Variants in UTP6 observed in about 807,000 individuals in gnomAD.
UTP6 encodes UTP6 small subunit processome component.
Under a neutral mutation model 96.5 loss-of-function variants are expected in UTP6, and 60 were observed. That is an observed-to-expected ratio of 0.62 (90% CI 0.51 to 0.77). The LOEUF is 0.77. UTP6 is among the 30% of genes least tolerant of loss of function. UTP6 has a pLI of 0.00. For synonymous variants in UTP6, 215 were observed against 240.1 expected, an observed-to-expected ratio of 0.90 and a Z score of 0.96; for missense variants, 637 against 706.5, an observed-to-expected ratio of 0.90 and a Z score of 1.12.
chr17:31,885,544 C>A (rs558698677), intron 9 of UTP6, among the ~76,000 whole-genome samples: 1 of 151,760 alleles, frequency 6.6e-6, no homozygotes, highest in East Asian at 2.0e-4. Flanking sequence ...AATCCCAACA[C>A]TTTGGGAGGC....
Position 31,901,683 on chromosome 17 carries a change from A to C in UTP6, c.-56T>G. On this transcript the variant is annotated 5_prime_UTR_variant, in exon 1 of 19. Transcript: ENST00000261708. Reference sequence around the variant, plus strand: ...CTTCTCAACAGCGAACACGAGCAGGAAGCTCCCGGTTTCAGGTTCGGAGAC... The same window carrying C: ...CTTCTCAACAGCGAACACGAGCAGGCAGCTCCCGGTTTCAGGTTCGGAGAC... 1.9e-6 allele frequency: 3 copies of C among 1,569,482 alleles called. No individual in the cohort carries two copies. The highest frequency in any genetic ancestry group is 2.6e-6 in the Non-Finnish European group (3 of 1,145,800).
chr17:31,895,695 G>A (rs550729168), intron 2 of UTP6, among the ~76,000 whole-genome samples: 52 of 151,926 alleles, frequency 3.4e-4, no homozygotes, highest in East Asian at 1.4e-3. Flanking sequence ...CACCATGCCC[G>A]GCTAATTTTT....
intron 14 of UTP6, among the ~76,000 whole-genome samples, chr17:31,874,627 A>C (rs1469633003): frequency 6.6e-6 from 1 of 152,016 alleles, no homozygotes; most frequent in Non-Finnish European, 1.5e-5. Context: ...ACTAATATAA[A>C]AAATTCACTG....
chr17:31,884,742 C>T (rs112430699), intron 9 of UTP6, among the ~76,000 whole-genome samples: 4 of 151,940 alleles, frequency 2.6e-5, no homozygotes, highest in Admixed American at 6.6e-5. Flanking sequence ...CAACTCCCCA[C>T]GATTTAATTA....
At chr17:31,894,395 C>T (rs757059054) in intron 4 of UTP6, among the ~76,000 whole-genome samples, 1 of 151,788 alleles carries the variant, frequency 6.6e-6, no homozygotes, top group Non-Finnish European at 1.5e-5. Flanking sequence ...CCCAAATTTC[C>T]AATCCTTAGT....
rs897658456 is a variant in UTP6, at chr17:31,862,705, G to A, written c.*654C>T. The A allele has an allele frequency of 6.6e-6, 1 of 152,154 alleles. No individual in the cohort carries two copies. The highest frequency in any genetic ancestry group is 2.4e-5 in the African/African-American group (1 of 41,368). The allele number at this position is 152,154 out of a possible 1,614,324, so 9.4% of individuals were successfully genotyped here. A position where few individuals can be genotyped will look rare whatever the true frequency, so the allele number is the denominator to read the frequency against. On this transcript the variant is annotated 3_prime_UTR_variant, in exon 19 of 19. Transcript: ENST00000261708. Reference sequence around the variant, plus strand: ...TCCTGCCTCAGCCTCCCAAGCAGCTGGGATTACAGGCACCCACCACCACAC... The same window carrying A: ...TCCTGCCTCAGCCTCCCAAGCAGCTAGGATTACAGGCACCCACCACCACAC...
chr17:31,867,128 T>C (rs1443917713), intron 17 of UTP6, among the ~76,000 whole-genome samples: 3 of 152,206 alleles, frequency 2.0e-5, no homozygotes, highest in East Asian at 3.9e-4. Context: ...CTAACTATCA[T>C]GTTATAAATC....
At position 31,878,762 on chromosome 17, in the gene UTP6, G is replaced by A. The variant is rs536439152; in HGVS notation, c.987C>T (p.Tyr329=). ...TAAATCTTTCCAAGCAAAAGGTGATGTAACACTTCCACATGGCCTCTGGAA... is the reference window on the plus strand; with the variant it reads ...TAAATCTTTCCAAGCAAAAGGTGATATAACACTTCCACATGGCCTCTGGAA... ...TLPTEAMWKC[Y]ITFCLERFTK... The change falls in exon 12 of 19, where the codon TAC becomes TAT. Residue 329 remains tyrosine (Y), a synonymous_variant. Coordinates refer to ENST00000261708, the MANE Select transcript of UTP6 (RefSeq NM_018428.3). The A allele has an allele frequency of 2.5e-6, 4 of 1,614,004 alleles. No individual in the cohort carries two copies. The highest frequency in any genetic ancestry group is 3.3e-5 in the Admixed American group (2 of 59,970).
intron 8 of UTP6, 149 bp downstream of exon 8, chr17:31,887,087 C>T (rs1012527406): frequency 5.0e-6 from 3 of 605,554 alleles, no homozygotes; most frequent in Non-Finnish European, 8.4e-6. Flanking sequence ...GGTGCCACTG[C>T]ACTCCAGCCT....
intron 6 of UTP6, among the ~76,000 whole-genome samples, chr17:31,890,493 C>T (rs901215186): frequency 6.6e-6 from 1 of 151,600 alleles, no homozygotes; most frequent in Non-Finnish European, 1.5e-5. Context: ...TGGCACCCTC[C>T]TATAGTCTCA....
chr17:31,873,723 C>G lies in UTP6; in HGVS notation c.1336G>C (p.Glu446Gln). ...TGGCTTTTGGCACCTTCACTCCACTCTGCCCAGGAAATCCACAATGGCAGA... is the reference window on the plus strand; with the variant it reads ...TGGCTTTTGGCACCTTCACTCCACTGTGCCCAGGAAATCCACAATGGCAGA... The part of the protein sequence containing the change: ...VCLPLWISWA[E>Q]WSEGAKSQED... The change falls in exon 15 of 19, where the codon GAG becomes CAG. Residue 446 changes from glutamate (E) to glutamine (Q), a missense_variant. Transcript: ENST00000261708. 1 of 1,611,866 alleles carries G rather than the reference C, an allele frequency of 6.2e-7. No individual in the cohort carries two copies. The highest frequency in any genetic ancestry group is 1.1e-5 in the South Asian group (1 of 90,708).
chr17:31,893,198 G>T (rs138963210), intron 4 of UTP6, among the ~76,000 whole-genome samples: 6 of 152,000 alleles, frequency 3.9e-5, no homozygotes, highest in African/African-American at 1.2e-4. Context: ...GCTTGAAGCC[G>T]GGAGGCCGAG....
intron 8 of UTP6, among the ~76,000 whole-genome samples, chr17:31,886,896 G>C (rs1039495855): frequency 2.0e-5 from 3 of 152,142 alleles, no homozygotes; most frequent in Admixed American, 6.6e-5. Flanking sequence ...TGGCTATTCT[G>C]TAAGTAACAA....
chr17:31,870,867 G>A (rs1910126531), intron 16 of UTP6, among the ~76,000 whole-genome samples: 1 of 151,894 alleles, frequency 6.6e-6, no homozygotes, highest in Admixed American at 6.6e-5. Flanking sequence ...CAAGGCTGGA[G>A]TGTACTAGCA....
At chr17:31,873,578 T>C (rs1274851113) in intron 15 of UTP6, 91 bp from the exon 16 acceptor site, 19 of 1,603,764 alleles carry the variant, frequency 1.2e-5, no homozygotes, top group South Asian at 2.2e-5. Context: ...GGCCACTCCA[T>C]AGTGCTTTAG....
chr17:31,881,567 T>G (rs1276092554), intron 10 of UTP6, among the ~76,000 whole-genome samples: 1 of 152,174 alleles, frequency 6.6e-6, no homozygotes, highest in Non-Finnish European at 1.5e-5. Flanking sequence ...CCACTGCACC[T>G]GGCCAGAGCT....
At chr17:31,892,386 T>G in intron 5 of UTP6, 63 bp from the exon 6 acceptor site, 1 of 1,487,200 alleles carries the variant, frequency 6.7e-7, no homozygotes, top group Non-Finnish European at 9.3e-7. Context: ...ACTCTCTAAG[T>G]AATATGTACC....
At chr17:31,888,371 C>T (rs1598112718) in intron 7 of UTP6, 1 of 152,220 alleles carries the variant, frequency 6.6e-6, no homozygotes, top group East Asian at 1.9e-4. Flanking sequence ...GGGTTCCAAC[C>T]TCTCAACTAA....
chr17:31,898,387 G>A (rs1023359770), intron 2 of UTP6, among the ~76,000 whole-genome samples: 4 of 152,072 alleles, frequency 2.6e-5, no homozygotes, highest in Admixed American at 6.6e-5. Flanking sequence ...TTAGCCTGGC[G>A]TGGTTGTGGG....
Sources: allele counts gnomAD v4.1 joint callset (sites outside exome capture counted in the v4.1 genomes callset), GRCh38; gene constraint gnomAD v4.1.1; transcripts MANE v1.5; gene names NCBI Gene and HGNC (gene_info 2026-07-23, HGNC 2026-07-21).